Variants in ZNF407 observed in about 807,000 individuals in gnomAD.
ZNF407 encodes the protein zinc finger protein 407.
In ZNF407, 17 loss-of-function variants were observed where a neutral mutation model predicts 131.2. That is an observed-to-expected ratio of 0.13 (90% CI 0.09 to 0.19). ZNF407 has a LOEUF of 0.19. ZNF407 is among the 10% of genes least tolerant of loss of function. The pLI, the probability that ZNF407 is intolerant of heterozygous loss-of-function variation, is 1.00. For missense variants in ZNF407, 2,681 were observed against 2,830.6 expected (o/e 0.95, Z 1.20); for synonymous variants, 1,156 against 1,062.0 (o/e 1.09, Z -1.72).
At position 75,051,265 on chromosome 18, in the gene ZNF407, G is replaced by A. The variant is rs141733786; in HGVS notation, c.5429-11885G>A. Among the ~76,000 whole-genome samples, 661 of 152,198 alleles carry A rather than the reference G, an allele frequency of 4.3e-3. 10 individuals are homozygous for A. The highest frequency in any genetic ancestry group is 0.015 in the African/African-American group (636 of 41,516). ...GGACCCATGTTAATGCTGTCACTTA[G>A]GACCTAGGTTTTTCTGTTAGGTTTA... On this transcript the variant is annotated intron_variant, in intron 8 of 8. Transcript: ENST00000299687.
intron 3 of ZNF407, among the ~76,000 whole-genome samples, chr18:74,657,645 G>A (rs1388303528): frequency 6.6e-6 from 1 of 152,174 alleles, no homozygotes; most frequent in African/African-American, 2.4e-5. Context: ...TGGCTGTAAA[G>A]TGTTCACCTC....
intron 4 of ZNF407, among the ~76,000 whole-genome samples, chr18:74,806,107 G>A (rs1039324657): frequency 1.3e-5 from 2 of 152,164 alleles, no homozygotes; most frequent in Non-Finnish European, 2.9e-5. Context: ...ATTATACTTT[G>A]TAGAACTCCA....
rs766906525 is a variant in ZNF407 at position 74,635,141 on chromosome 18, G to A, written c.4122G>A (p.Gln1374=). ...CTGAAGATGGTGAGTTGATAGACCA[G>A]TCTGAAGAGGGCTTGATAGCAACGG... ...KNPEDGELID[Q]SEEGLIATGV... is the part of the protein sequence containing the mutation. Residue 1374 remains glutamine (Q), a synonymous_variant, in exon 2 of 9, where the codon CAG becomes CAA. Coordinates refer to ENST00000299687, the MANE Select transcript of ZNF407 (RefSeq NM_017757.3). The surrounding 1 kb of genome is among the most constrained non-coding windows in gnomAD (Gnocchi z 4.7). The A allele has an allele frequency of 1.2e-6, 2 of 1,614,038 alleles. No individual in the cohort carries two copies. The highest frequency in any genetic ancestry group is 1.1e-5 in the South Asian group (1 of 91,088).
chr18:74,800,047 A>G (rs150770267), intron 4 of ZNF407, among the ~76,000 whole-genome samples: 2 of 152,070 alleles, frequency 1.3e-5, no homozygotes, highest in South Asian at 2.1e-4. Context: ...AATAACTTGA[A>G]TAACAATAGA....
At chr18:74,758,655 A>G (rs1969020500) in intron 3 of ZNF407, among the ~76,000 whole-genome samples, 1 of 152,140 alleles carries the variant, frequency 6.6e-6, no homozygotes, top group South Asian at 2.1e-4. Context: ...CAGTGGCATG[A>G]TCTCGGCTCA....
At chr18:74,957,673 G>A (rs1429388996) in intron 8 of ZNF407, among the ~76,000 whole-genome samples, 1 of 152,152 alleles carries the variant, frequency 6.6e-6, no homozygotes. Context: ...GTTCTATTAT[G>A]AGAGGAAGGA....
intron 7 of ZNF407, among the ~76,000 whole-genome samples, chr18:74,892,442 C>T (rs558949873): frequency 2.6e-5 from 4 of 152,162 alleles, no homozygotes; most frequent in Admixed American, 1.3e-4. Flanking sequence ...TAGAGAGAGT[C>T]GGCCACGTCA....
At chr18:74,661,035 C>G (rs1237453049) in intron 3 of ZNF407, among the ~76,000 whole-genome samples, 2 of 152,138 alleles carry the variant, frequency 1.3e-5, no homozygotes, top group Non-Finnish European at 2.9e-5. Flanking sequence ...AATCCAGTAT[C>G]TACGTAGTGA....
At chr18:74,990,669 T>C (rs1233737148) in intron 8 of ZNF407, among the ~76,000 whole-genome samples, 1 of 152,202 alleles carries the variant, frequency 6.6e-6, no homozygotes, top group Non-Finnish European at 1.5e-5. Context: ...ACTGTGAGCT[T>C]TCATAAATGC....
At chr18:74,946,956 A>C (rs1235136788) in intron 8 of ZNF407, among the ~76,000 whole-genome samples, 2 of 152,208 alleles carry the variant, frequency 1.3e-5, no homozygotes, top group Non-Finnish European at 2.9e-5. Context: ...GTTCTCAAAT[A>C]AGATTTCTTT....
chr18:74,777,483 G>A (rs2145016344), intron 3 of ZNF407, among the ~76,000 whole-genome samples: 1 of 152,244 alleles, frequency 6.6e-6, no homozygotes, highest in Middle Eastern at 3.4e-3. Context: ...GCTCTTGGAT[G>A]TTCAGTAGGC....
intron 3 of ZNF407, among the ~76,000 whole-genome samples, chr18:74,752,019 C>G (rs1478188524): frequency 6.6e-6 from 1 of 152,316 alleles, no homozygotes; most frequent in Admixed American, 6.5e-5. Context: ...TTCTCCATAT[C>G]CTCTCCAGCA....
chr18:74,947,004 T>G (rs1379528917), intron 8 of ZNF407, among the ~76,000 whole-genome samples: 1 of 152,228 alleles, frequency 6.6e-6, no homozygotes, highest in Non-Finnish European at 1.5e-5. Context: ...GTCATTGAAG[T>G]GAGGGTTTCT....
chr18:74,929,123 A>G (rs1194402164), intron 8 of ZNF407, among the ~76,000 whole-genome samples: 1 of 152,162 alleles, frequency 6.6e-6, no homozygotes, highest in Non-Finnish European at 1.5e-5. Flanking sequence ...TCCTGTCACT[A>G]CAGGACCTTA....
intron 3 of ZNF407, among the ~76,000 whole-genome samples, chr18:74,656,983 T>C (rs1164833107): frequency 6.6e-6 from 1 of 152,204 alleles, no homozygotes; most frequent in African/African-American, 2.4e-5. Flanking sequence ...TACTGTGATA[T>C]ACTTCCTTTG....
intron 7 of ZNF407, among the ~76,000 whole-genome samples, chr18:74,919,494 A>G (rs1048244862): frequency 1.3e-5 from 2 of 152,054 alleles, no homozygotes; most frequent in Non-Finnish European, 2.9e-5. Context: ...ATCTTGCAGG[A>G]TTTTTGTTAT....
chr18:74,684,224 A>AT lies in ZNF407; in HGVS notation c.4802+43112dup, dbSNP rs996906110. 9.0e-3 allele frequency among the ~76,000 whole-genome samples: 1,361 copies of AT among 150,394 alleles called. 19 individuals carry two copies. Among genetic ancestry groups the AT allele is most frequent in the African/African-American group, 0.031 (1,265 of 41,050 alleles). On this transcript the variant is annotated intron_variant, in intron 3 of 8. Transcript: ENST00000299687. ...AATTTTTCAAAAGGAAAAAGTAAGGATTTTTTTTTTCCAGGGTAACAGATT... is the reference window on the plus strand; with the variant it reads ...AATTTTTCAAAAGGAAAAAGTAAGGATTTTTTTTTTTCCAGGGTAACAGATT...
chr18:74,605,452 C>T (rs868478963), intron 1 of ZNF407, among the ~76,000 whole-genome samples: 17 of 152,168 alleles, frequency 1.1e-4, no homozygotes, highest in Admixed American at 4.6e-4. Context: ...AAAGCCAGCC[C>T]TCACTCTGTT....
chr18:74,730,896 C>T (rs138061604), intron 3 of ZNF407, among the ~76,000 whole-genome samples: 1 of 152,132 alleles, frequency 6.6e-6, no homozygotes, highest in Non-Finnish European at 1.5e-5. Context: ...GTCCAATCAT[C>T]CCCCTTAAGA....
Sources: gnomAD v4.1 joint callset for allele counts (sites outside exome capture counted in the v4.1 genomes callset) on GRCh38, gnomAD v4.1.1 for gene constraint, Gnocchi (gnomAD v3.1) non-coding constraint, MANE v1.5 for transcripts, NCBI Gene and HGNC (gene_info 2026-07-23, HGNC 2026-07-21) for gene names.